The following KIF13A variants were observed in gnomAD, a reference collection of about 807,000 sequenced individuals.
KIF13A encodes the protein kinesin family member 13A.
KIF13A carries 79 observed loss-of-function variants against 212.2 expected under a neutral mutation model. That is an observed-to-expected ratio of 0.37 (90% CI 0.31 to 0.45). The LOEUF is 0.45. Among genes scored for constraint, KIF13A ranks in the 20% least tolerant of loss-of-function variants. KIF13A has a pLI of 1.00. For synonymous variants in KIF13A, 789 were observed against 808.6 expected (o/e 0.98, Z 0.41); for missense variants, 1,901 against 2,209.0 (o/e 0.86, Z 2.79).
Position 17,774,677 on chromosome 6 carries a change from GC to G in KIF13A, c.4218+337del, listed in dbSNP as rs889707361. On this transcript the variant is annotated intron_variant, in intron 35 of 38. Coordinates refer to ENST00000259711, the MANE Select transcript of KIF13A (RefSeq NM_022113.6). The stretch of plus-strand genomic sequence containing the variant: ...AATCCCAGCTACTCGGGAGGCTGAG[GC>G]AGGAGAATCGCTTGAACCTGGGAGG... Among the ~76,000 whole-genome samples, 54 of 152,100 alleles carry G rather than the reference GC, an allele frequency of 3.6e-4. No homozygotes were observed. The South Asian group carries it at 4.1e-3, about 12-fold the overall frequency.
In KIF13A at chr6:17,816,523, G is replaced by A. The variant is rs1412294757; in HGVS notation, c.2000+497C>T. On this transcript the variant is annotated intron_variant, in intron 17 of 38. Coordinates refer to ENST00000259711, the MANE Select transcript of KIF13A (RefSeq NM_022113.6). The surrounding 1 kb of genome is among the most constrained non-coding windows in gnomAD (Gnocchi z 4.3). Reference sequence around the variant, plus strand: ...TGTAGAGACAAGGTCTCACTATGTTGCCTGGGCTGGATTCAAACTCCTGGG... The same window carrying A: ...TGTAGAGACAAGGTCTCACTATGTTACCTGGGCTGGATTCAAACTCCTGGG... Among the ~76,000 whole-genome samples, 1 of 151,964 alleles carries A rather than the reference G, an allele frequency of 6.6e-6. No individual in the cohort carries two copies. Among genetic ancestry groups the A allele is most frequent in the Non-Finnish European group, 1.5e-5 (1 of 68,010 alleles).
chr6:17,766,933 G>C (rs1759045078), intron 38 of KIF13A, among the ~76,000 whole-genome samples: 1 of 152,056 alleles, frequency 6.6e-6, no homozygotes, highest in African/African-American at 2.4e-5. Flanking sequence ...TTATAACTTA[G>C]TTGTAAAAAT....
At chr6:17,778,838 G>T in intron 33 of KIF13A, 109 bp downstream of exon 33, 1 of 1,273,432 alleles carries the variant, frequency 7.9e-7, no homozygotes, top group Non-Finnish European at 1.1e-6. Context: ...TGGCTCAAGT[G>T]CTCCTTCTCT....
chr6:17,861,282 T>C (rs914761263), intron 4 of KIF13A, among the ~76,000 whole-genome samples: 1 of 152,200 alleles, frequency 6.6e-6, no homozygotes, highest in African/African-American at 2.4e-5. Flanking sequence ...TTTATTACTA[T>C]GGCTTTGTGT....
At chr6:17,957,219 A>G (rs2150580466) in intron 2 of KIF13A, among the ~76,000 whole-genome samples, 1 of 152,264 alleles carries the variant, frequency 6.6e-6, no homozygotes, top group African/African-American at 2.4e-5. Context: ...TCATGTCTAT[A>G]TAACAAGACC....
chr6:17,785,462 C>T lies in KIF13A; in HGVS notation c.3488+53G>A. The T allele has an allele frequency of 6.9e-7, 1 of 1,451,892 alleles. No individual in the cohort carries two copies. The highest frequency in any genetic ancestry group is 9.1e-7 in the Non-Finnish European group (1 of 1,103,304). 89.9% of individuals were successfully genotyped at this position (1,451,892 alleles called of 1,614,324 possible). A position where few individuals can be genotyped will look rare whatever the true frequency, so the allele number is the denominator to read the frequency against. ...AAAGTCTCTTGCATGGCTCTTGCCA[C>T]AGGCGACCTGTACCATCTCCCCAGG... is the stretch of plus-strand genomic sequence containing the variant. On this transcript the variant is annotated intron_variant, in intron 28 of 38. Coordinates refer to ENST00000259711, the MANE Select transcript of KIF13A (RefSeq NM_022113.6). The surrounding 1 kb of genome is among the most constrained non-coding windows in gnomAD (Gnocchi z 5.8).
chr6:17,880,703 C>T (rs908750820), intron 3 of KIF13A, among the ~76,000 whole-genome samples: 3 of 150,404 alleles, frequency 2.0e-5, no homozygotes, highest in South Asian at 2.1e-4. Context: ...GAGGCAATCA[C>T]AGTTCACTGT....
At position 17,987,437 on chromosome 6, in the gene KIF13A, G is replaced by A. The variant is rs544650357; in HGVS notation, c.27C>T (p.Ala9=). The part of the protein sequence containing the change: MSDTKVKV[A]VRVRPMNRRE... ...GTCGGTTCATGGGCCGGACCCGGAC[G>A]GCAACTTTTACCTTGGTATCCGACA... The change falls in exon 1 of 39, where the codon GCC becomes GCT. Residue 9 remains alanine, a synonymous_variant. Coordinates refer to ENST00000259711, the MANE Select transcript of KIF13A (RefSeq NM_022113.6). The surrounding 1 kb of genome is among the most constrained non-coding windows in gnomAD (Gnocchi z 7.7). The A allele has an allele frequency of 3.0e-6, 4 of 1,345,892 alleles. No homozygotes were observed. Among genetic ancestry groups the A allele is most frequent in the East Asian group, 4.7e-5 (1 of 21,258 alleles). 83.4% of individuals were successfully genotyped at this position (1,345,892 alleles called of 1,614,324 possible).
In KIF13A at chr6:17,828,608, G is replaced by A. The variant is rs578214806; in HGVS notation, c.1402-238C>T. Among the ~76,000 whole-genome samples the A allele has an allele frequency of 1.3e-5, 2 of 152,252 alleles. No homozygotes were observed. Among genetic ancestry groups the A allele is most frequent in the East Asian group, 3.9e-4 (2 of 5,186 alleles). On this transcript the variant is annotated intron_variant, in intron 13 of 38. Coordinates refer to ENST00000259711, the MANE Select transcript of KIF13A (RefSeq NM_022113.6). This position sits in a 1 kb window ranked among gnomAD's most constrained non-coding sequence, Gnocchi z 4.3. The stretch of plus-strand genomic sequence containing the variant: ...CCCCAATCAACAATGATTAGTTATT[G>A]TTTTTAACACAGGAAATTGGACTTG...
intron 3 of KIF13A, among the ~76,000 whole-genome samples, chr6:17,893,326 G>GT (rs1772239779): frequency 1.3e-5 from 2 of 152,254 alleles, no homozygotes; most frequent in South Asian, 4.1e-4. Flanking sequence ...CCAAATGTGG[G>GT]TTTTAGAAGC....
Position 17,799,374 on chromosome 6 carries a change from T to C in KIF13A, c.2682A>G (p.Thr894=), listed in dbSNP as rs1020680243. The C allele has an allele frequency of 6.2e-7, 1 of 1,611,136 alleles. No homozygotes were observed. Among genetic ancestry groups the C allele is most frequent in the Admixed American group, 1.7e-5 (1 of 59,572 alleles). Residue 894 remains threonine, a synonymous_variant, in exon 22 of 39, where the codon ACA becomes ACG. Transcript: ENST00000259711. The surrounding 1 kb of genome is among the most constrained non-coding windows in gnomAD (Gnocchi z 4.4). The part of the protein sequence containing the change: ...NLSNFVFCQY[T]FWDQCESTVA... Reference sequence around the variant, plus strand: ...CCGTAGACTCACACTGGTCCCAGAATGTGTATTGACAGAAGACAAAATTTG... The same window carrying C: ...CCGTAGACTCACACTGGTCCCAGAACGTGTATTGACAGAAGACAAAATTTG...
intron 2 of KIF13A, among the ~76,000 whole-genome samples, chr6:17,972,443 A>T (rs1393078743): frequency 6.6e-6 from 1 of 152,198 alleles, no homozygotes; most frequent in Non-Finnish European, 1.5e-5. Context: ...ATCTTTACAC[A>T]TTCTCTCTTT....
Position 17,779,071 on chromosome 6 carries a change from G to C in KIF13A, c.3968C>G (p.Thr1323Arg), listed in dbSNP as rs769438850. 3.1e-6 allele frequency: 5 copies of C among 1,613,554 alleles called. No individual in the cohort carries two copies. Among genetic ancestry groups the C allele is most frequent in the Non-Finnish European group, 4.2e-6 (5 of 1,179,782 alleles). Residue 1323 changes from threonine (T) to arginine (R), a missense_variant, in exon 33 of 39, where the codon ACG (threonine) becomes AGG (arginine). Coordinates refer to ENST00000259711, the MANE Select transcript of KIF13A (RefSeq NM_022113.6). ...ACTCCTTGCTGCCAGGAGAGCCAGC[G>C]TTTCCCGGTCCTCTATCTCCTCAGT... The part of the protein sequence containing the change: ...KATEEIEDRE[T>R]LALLAARSEN...
At position 17,974,998 on chromosome 6, in the gene KIF13A, A is replaced by G; in HGVS notation, c.146+12056T>C. ...CAGTGCTGGTCTAGACTAGTTCTCA[A>G]AGCTTGGTCCCAAGCTACCAGCATC... On this transcript the variant is annotated intron_variant, in intron 2 of 38. Transcript: ENST00000259711. 1.3e-5 allele frequency among the ~76,000 whole-genome samples: 2 copies of G among 152,128 alleles called. 1 individual carries two copies. The highest frequency in any genetic ancestry group is 2.9e-5 in the Non-Finnish European group (2 of 68,032).
chr6:17,957,585 CT>C (rs993365866), intron 2 of KIF13A, among the ~76,000 whole-genome samples: 3 of 152,198 alleles, frequency 2.0e-5, no homozygotes, highest in African/African-American at 7.2e-5. Flanking sequence ...GAAGCCCAGA[CT>C]TGTGACTGAT....
At position 17,926,606 on chromosome 6, in the gene KIF13A, G is replaced by A. The variant is rs1002264094; in HGVS notation, c.147-28426C>T. 1.3e-5 allele frequency among the ~76,000 whole-genome samples: 2 copies of A among 152,000 alleles called. No individual in the cohort carries two copies. On this transcript the variant is annotated intron_variant, in intron 2 of 38. Transcript: ENST00000259711. The surrounding 1 kb of genome is among the most constrained non-coding windows in gnomAD (Gnocchi z 4.3). ...AACAAAGTTTCACCAGCTGCTTCTC[G>A]GCTAGAAGGCATCCCCAATTATATA...
intron 19 of KIF13A, 66 bp downstream of exon 19, chr6:17,805,409 T>C: frequency 1.1e-6 from 1 of 928,408 alleles, no homozygotes; most frequent in Non-Finnish European, 1.6e-6. Flanking sequence ...GTGTGTGTGT[T>C]GCTAAATCGC....
At chr6:17,875,312 C>T (rs1770449585) in intron 3 of KIF13A, among the ~76,000 whole-genome samples, 1 of 152,122 alleles carries the variant, frequency 6.6e-6, no homozygotes, top group African/African-American at 2.4e-5. Context: ...ACACCAACAT[C>T]TACTGGTATG....
chr6:17,817,319 C>T, intron 16 of KIF13A, 86 bp from the exon 17 acceptor site: 2 of 1,186,568 alleles, frequency 1.7e-6, no homozygotes, highest in South Asian at 2.7e-5. Context: ...TGGGAGGCTT[C>T]CTCTAGCAAG....
Sources: gnomAD v4.1 joint callset for allele counts (sites outside exome capture counted in the v4.1 genomes callset) on GRCh38, gnomAD v4.1.1 for gene constraint, Gnocchi (gnomAD v3.1) non-coding constraint, MANE v1.5 for transcripts, NCBI Gene and HGNC (gene_info 2026-07-23, HGNC 2026-07-21) for gene names.